Variants in OTOA observed in about 807,000 individuals in gnomAD.
OTOA encodes otoancorin, also known as cancer/testis antigen 108.
OTOA carries 70 observed loss-of-function variants against 110.8 expected under a neutral mutation model. The observed-to-expected ratio is 0.63, with a 90% confidence interval of 0.52 to 0.77. OTOA has a LOEUF of 0.77. Among genes scored for constraint, OTOA ranks in the 30% least tolerant of loss-of-function variants. The pLI is 0.00. For synonymous variants in OTOA, 373 were observed against 431.5 expected (o/e 0.86, Z 1.68); for missense variants, 917 against 1,075.8 (o/e 0.85, Z 2.06).
At chr16:21,684,032 G>T (rs981189935) in intron 6 of OTOA, among the ~76,000 whole-genome samples, 5 of 151,934 alleles carry the variant, frequency 3.3e-5, no homozygotes, top group African/African-American at 1.2e-4. Flanking sequence ...CTCCCAAAGT[G>T]CTGGGATTAC....
chr16:21,677,479 CT>C (rs778223383), intron 1 of OTOA, among the ~76,000 whole-genome samples: 1,305 of 116,872 alleles, frequency 0.011, 12 homozygotes, highest in East Asian at 0.087. Context: ...AGCTTCATAT[CT>C]TTTTTTTTTT....
intron 24 of OTOA, among the ~76,000 whole-genome samples, chr16:21,749,604 G>A (rs1434619457): frequency 1.4e-5 from 2 of 144,218 alleles, no homozygotes; most frequent in African/African-American, 2.6e-5. Context: ...TCCACTTAGG[G>A]GTCTCTCCTT....
chr16:21,710,153 GTAT>G, intron 13 of OTOA, 50 bp downstream of exon 13: 1 of 1,489,506 alleles, frequency 6.7e-7, no homozygotes, highest in Non-Finnish European at 9.2e-7. Context: ...TGACCTAAGT[GTAT>G]TAGACCTGCC....
At chr16:21,704,317 T>C (rs998148227) in intron 11 of OTOA, among the ~76,000 whole-genome samples, 3 of 152,150 alleles carry the variant, frequency 2.0e-5, no homozygotes, top group African/African-American at 7.2e-5. Context: ...GTGATTGTAA[T>C]GTGGAAAATG....
chr16:21,723,236 C>T lies in OTOA; in HGVS notation c.1880+258C>T, dbSNP rs564962159. On this transcript the variant is annotated intron_variant, in intron 18 of 28. Transcript: ENST00000646100. Reference sequence around the variant, plus strand: ...CAAGCCTGAATGAGTGTCAGTGAGGCAGGTCCCATCTGGCCTGGCTTTGCG... The same window carrying T: ...CAAGCCTGAATGAGTGTCAGTGAGGTAGGTCCCATCTGGCCTGGCTTTGCG... Among the ~76,000 whole-genome samples, 8 of 152,266 alleles carry T rather than the reference C, an allele frequency of 5.3e-5. No homozygotes were observed. In the South Asian group the frequency reaches 1.7e-3, roughly 32 times the overall value.
At chr16:21,705,404 AT>A (rs1898143400) in intron 12 of OTOA, 112 bp downstream of exon 12, 2 of 1,538,886 alleles carry the variant, frequency 1.3e-6, no homozygotes, top group Non-Finnish European at 1.8e-6. Flanking sequence ...ATTAGTCGGG[AT>A]TTAAGTCCAG....
intron 18 of OTOA, among the ~76,000 whole-genome samples, chr16:21,724,567 T>C (rs1898855970): frequency 6.6e-6 from 1 of 151,980 alleles, no homozygotes; most frequent in Admixed American, 6.6e-5. Flanking sequence ...ACTACCCACA[T>C]AGAGGATAGA....
Position 21,709,864 on chromosome 16 carries a change from C to T in OTOA, c.1105-24C>T, listed in dbSNP as rs368786258. 3.3e-4 allele frequency: 530 copies of T among 1,586,236 alleles called. 3 individuals carry two copies. The highest frequency in any genetic ancestry group is 4.2e-4 in the Non-Finnish European group (482 of 1,154,840). ...CACCGCCCTGCTTCCTGTCAACACT[C>T]ATTCCAGTTTGCTCTCCTTCCAGCT... On this transcript the variant is annotated intron_variant, in intron 12 of 28. Coordinates refer to ENST00000646100, the MANE Select transcript of OTOA (RefSeq NM_144672.4).
At chr16:21,692,015 T>TA (rs1302808362) in intron 9 of OTOA, among the ~76,000 whole-genome samples, 1 of 152,174 alleles carries the variant, frequency 6.6e-6, no homozygotes, top group Non-Finnish European at 1.5e-5. Context: ...AAAATCTGTA[T>TA]AAAAAAATCT....
chr16:21,685,032 G>T (rs975651658), intron 6 of OTOA, among the ~76,000 whole-genome samples, 198 bp from the exon 7 acceptor site: 2 of 152,074 alleles, frequency 1.3e-5, no homozygotes, highest in Non-Finnish European at 2.9e-5. Context: ...TTACAGGCAT[G>T]AGCCACCGCG....
intron 11 of OTOA, among the ~76,000 whole-genome samples, chr16:21,703,634 A>C (rs1346653019): frequency 6.6e-6 from 1 of 152,190 alleles, no homozygotes; most frequent in Non-Finnish European, 1.5e-5. Flanking sequence ...TCTTTACTCG[A>C]AGTTAAGCAG....
At chr16:21,697,906 C>A in intron 10 of OTOA, 31 bp downstream of exon 10, 2 of 1,537,344 alleles carry the variant, frequency 1.3e-6, no homozygotes, top group East Asian at 2.2e-5. Flanking sequence ...TATATGTCAC[C>A]ATTACTAATA....
intron 6 of OTOA, chr16:21,684,520 C>T: frequency 6.4e-7 from 1 of 1,550,704 alleles, no homozygotes. Context: ...CCAGCTGCTG[C>T]TGATGGGAAA....
chr16:21,688,238 A>C (rs986310227), intron 8 of OTOA, among the ~76,000 whole-genome samples: 2 of 151,912 alleles, frequency 1.3e-5, no homozygotes, highest in Non-Finnish European at 2.9e-5. Context: ...AAATACAAAA[A>C]TTAGTTGGGC....
chr16:21,706,114 A>C (rs1702169171), intron 12 of OTOA, among the ~76,000 whole-genome samples: 1 of 152,134 alleles, frequency 6.6e-6, no homozygotes, highest in Non-Finnish European at 1.5e-5. Context: ...AAGAAAAGAA[A>C]GGGACAGCTA....
At chr16:21,684,449 G>C in intron 6 of OTOA, 1 of 1,543,532 alleles carries the variant, frequency 6.5e-7, no homozygotes, top group Non-Finnish European at 8.8e-7. Context: ...TTTTGCTCCT[G>C]CGCTGGTAGC....
Position 21,706,084 on chromosome 16 carries a change from A to G in OTOA, c.1104+792A>G, listed in dbSNP as rs1030610932. On this transcript the variant is annotated intron_variant, in intron 12 of 28. Coordinates refer to ENST00000646100, the MANE Select transcript of OTOA (RefSeq NM_144672.4). ...TAGTTGGATGACAGAGCAAGACCCT[A>G]TCTAAAAAAAAGAACAGAAAAGAAA... Among the ~76,000 whole-genome samples, 3 of 146,498 alleles carry G rather than the reference A, an allele frequency of 2.0e-5. No homozygotes were observed. In the South Asian group the frequency reaches 6.4e-4, roughly 31 times the overall value.
intron 1 of OTOA, among the ~76,000 whole-genome samples, chr16:21,668,102 G>C (rs1966844373): frequency 6.6e-6 from 1 of 151,970 alleles, no homozygotes; most frequent in Non-Finnish European, 1.5e-5. Flanking sequence ...TTCCTCAATT[G>C]TCTCACAATT....
At chr16:21,680,355 T>C (rs562445126) in intron 5 of OTOA, among the ~76,000 whole-genome samples, 1 of 151,520 alleles carries the variant, frequency 6.6e-6, no homozygotes, top group Non-Finnish European at 1.5e-5. Flanking sequence ...CTACTAAAAG[T>C]ACAAAAGAAT....
Sources: allele counts gnomAD v4.1 joint callset (sites outside exome capture counted in the v4.1 genomes callset), GRCh38; gene constraint gnomAD v4.1.1; transcripts MANE v1.5; gene names NCBI Gene and HGNC (gene_info 2026-07-23, HGNC 2026-07-21).